Variants in FGFR1 observed in about 807,000 individuals in gnomAD.
FGFR1 encodes the protein fibroblast growth factor receptor 1.
In FGFR1, 18 loss-of-function variants were observed where a neutral mutation model predicts 93.7. The ratio of observed to expected loss-of-function variants is 0.19; its 90% CI spans 0.13 to 0.28. FGFR1 has a LOEUF of 0.28. Among genes scored for constraint, FGFR1 ranks in the 10% least tolerant of loss-of-function variants. The pLI, the probability that FGFR1 is intolerant of heterozygous loss-of-function variation, is 1.00. For synonymous variants in FGFR1, 448 were observed against 429.3 expected, an observed-to-expected ratio of 1.04 and a Z score of -0.54; for missense variants, 731 against 1,080.4, an observed-to-expected ratio of 0.68 and a Z score of 4.53.
Position 38,424,861 on chromosome 8 carries a change from C to G in FGFR1, c.746-162G>C, listed in dbSNP as rs1490551718. On this transcript the variant is annotated intron_variant, in intron 6 of 17. Coordinates refer to ENST00000447712, the MANE Select transcript of FGFR1 (RefSeq NM_023110.3). This position sits in a 1 kb window ranked among gnomAD's most constrained non-coding sequence, Gnocchi z 4.3. ...CTCAAAACAGAGCTGGGGAAAGGGA[C>G]ACCCTCTCTTCAGGCCCTAAGCCAT... 6.6e-6 allele frequency among the ~76,000 whole-genome samples: 1 copy of G among 152,234 alleles called. No homozygotes were observed. The highest frequency in any genetic ancestry group is 1.9e-4 in the East Asian group (1 of 5,202).
intron 2 of FGFR1, among the ~76,000 whole-genome samples, chr8:38,437,359 T>C (rs1054701426): frequency 6.6e-6 from 1 of 152,190 alleles, no homozygotes; most frequent in African/African-American, 2.4e-5. Flanking sequence ...CCAGAAGGCA[T>C]ATGTCTTGCC....
intron 9 of FGFR1, chr8:38,418,606 G>C (rs1269903570): frequency 1.7e-6 from 1 of 579,346 alleles, no homozygotes; most frequent in Non-Finnish European, 3.1e-6. Flanking sequence ...TTTAAAATAA[G>C]CAGACCAAAT....
intron 2 of FGFR1, among the ~76,000 whole-genome samples, chr8:38,444,392 T>G (rs201881102): frequency 2.1e-4 from 20 of 96,232 alleles, no homozygotes; most frequent in Admixed American, 4.1e-4. Flanking sequence ...TTCGGGTTTT[T>G]TTTTTTTTTT....
chr8:38,454,146 T>A (rs551675056), intron 2 of FGFR1, among the ~76,000 whole-genome samples: 1 of 152,172 alleles, frequency 6.6e-6, no homozygotes, highest in East Asian at 1.9e-4. Context: ...CTCATCAAGA[T>A]CTTCAGCCCC....
chr8:38,458,334 A>T (rs1468823506), intron 1 of FGFR1, among the ~76,000 whole-genome samples: 1 of 152,152 alleles, frequency 6.6e-6, no homozygotes, highest in Non-Finnish European at 1.5e-5. Flanking sequence ...TGAGGTCAGG[A>T]GTTCAAGACC....
intron 7 of FGFR1, chr8:38,423,448 A>G (rs1819560182): frequency 2.6e-6 from 1 of 380,848 alleles, no homozygotes; most frequent in Non-Finnish European, 4.8e-6. Context: ...CAGCCTCCTG[A>G]GTAGCTGGGA....
intron 2 of FGFR1, chr8:38,430,238 T>G: frequency 5.4e-6 from 1 of 186,028 alleles, no homozygotes; most frequent in South Asian, 1.1e-4. Flanking sequence ...TTAAGCGCAT[T>G]TCATTTCCCC....
intron 12 of FGFR1, among the ~76,000 whole-genome samples, chr8:38,416,620 T>A (rs1022419233): frequency 6.6e-6 from 1 of 152,004 alleles, no homozygotes; most frequent in Admixed American, 6.6e-5. Flanking sequence ...CACGCCCGGC[T>A]ACTTTTTGTA....
chr8:38,439,491 C>A (rs529333746), intron 2 of FGFR1, among the ~76,000 whole-genome samples: 1 of 152,168 alleles, frequency 6.6e-6, no homozygotes, highest in African/African-American at 2.4e-5. Flanking sequence ...CCGCCCTCCC[C>A]CTTGGGCCAC....
intron 12 of FGFR1, among the ~76,000 whole-genome samples, chr8:38,417,005 C>T (rs1461747991): frequency 3.3e-5 from 5 of 152,224 alleles, no homozygotes; most frequent in Non-Finnish European, 5.9e-5. Context: ...CTTCCTGCCT[C>T]GGCCTCCCAA....
chr8:38,453,343 G>A (rs1320631137), intron 2 of FGFR1, among the ~76,000 whole-genome samples: 1 of 152,256 alleles, frequency 6.6e-6, no homozygotes, highest in African/African-American at 2.4e-5. Flanking sequence ...GCCATTGACT[G>A]CTCATGGCCT....
chr8:38,415,705 C>T (rs1182368855), intron 13 of FGFR1, 165 bp downstream of exon 13: 3 of 747,844 alleles, frequency 4.0e-6, no homozygotes, highest in Admixed American at 2.0e-5. Context: ...ACTGGTGCTC[C>T]TGACTCTGCA....
Position 38,429,617 on chromosome 8 carries a change from A to C in FGFR1, c.358+65T>G. ...GGGGAGGAGGTTCACCTTCCTCTGA[A>C]ACTGGCAGAGAGGGCTGGAGGGGGT... On this transcript the variant is annotated intron_variant, in intron 3 of 17. Transcript: ENST00000447712. The surrounding 1 kb of genome is among the most constrained non-coding windows in gnomAD (Gnocchi z 4.4). 1 of 1,520,604 alleles carries C rather than the reference A, an allele frequency of 6.6e-7. No homozygotes were observed. Among genetic ancestry groups the C allele is most frequent in the Non-Finnish European group, 8.9e-7 (1 of 1,123,332 alleles). The allele number at this position is 1,520,604 out of a possible 1,614,324, so 94.2% of individuals were successfully genotyped here.
intron 15 of FGFR1, 79 bp downstream of exon 15, chr8:38,414,475 CTCAGT>C: frequency 1.3e-6 from 2 of 1,556,328 alleles, no homozygotes; most frequent in South Asian, 2.3e-5. Flanking sequence ...AAGAGGACTC[CTCAGT>C]CCAGGGAGAA....
chr8:38,418,521 T>C (rs761632601), intron 9 of FGFR1, 148 bp from the exon 10 acceptor site: 44 of 1,028,302 alleles, frequency 4.3e-5, no homozygotes, highest in Non-Finnish European at 5.4e-5. Context: ...CCAAAGACCA[T>C]GGTAGGCCAG....
intron 2 of FGFR1, among the ~76,000 whole-genome samples, chr8:38,450,833 A>C (rs916635805): frequency 3.9e-5 from 6 of 152,200 alleles, no homozygotes; most frequent in Admixed American, 2.6e-4. Flanking sequence ...ATGGTGTAGC[A>C]ATGCAGAAGC....
intron 1 of FGFR1, chr8:38,467,544 G>C (rs1835816477): frequency 4.3e-6 from 1 of 234,258 alleles, no homozygotes; most frequent in Non-Finnish European, 8.4e-6. Flanking sequence ...ACATGGAGTG[G>C]AATGCAACAC....
Position 38,413,466 on chromosome 8 carries a change from G to C in FGFR1, c.*162C>G, listed in dbSNP as rs1815059465. On this transcript the variant is annotated 3_prime_UTR_variant, in exon 18 of 18. Coordinates refer to ENST00000447712, the MANE Select transcript of FGFR1 (RefSeq NM_023110.3). The surrounding 1 kb of genome is among the most constrained non-coding windows in gnomAD (Gnocchi z 4.2). The stretch of plus-strand genomic sequence containing the variant: ...GGAGAGGAGGTGGAGGGAGAGGTGA[G>C]CTGAGTGGGGTGAAGGCAGGCCACA... 1 of 683,760 alleles carries C rather than the reference G, an allele frequency of 1.5e-6. No individual in the cohort carries two copies. The highest frequency in any genetic ancestry group is 1.8e-5 in the African/African-American group (1 of 55,354). 42.4% of individuals were successfully genotyped at this position (683,760 alleles called of 1,614,324 possible). A position where few individuals can be genotyped will look rare whatever the true frequency, so the allele number is the denominator to read the frequency against.
Position 38,429,967 on chromosome 8 carries a change from C to A in FGFR1, c.92-19G>T, listed in dbSNP as rs753723806. The A allele has an allele frequency of 1.3e-6, 2 of 1,591,788 alleles. No homozygotes were observed. Among genetic ancestry groups the A allele is most frequent in the South Asian group, 1.1e-5 (1 of 89,224 alleles). ...GGCTGGGCTGCAGCCACCACGGGGC[C>A]GGGAAGGGAAGCCAAGGGGCGAGAG... On this transcript the variant is annotated intron_variant, in intron 2 of 17. Coordinates refer to ENST00000447712, the MANE Select transcript of FGFR1 (RefSeq NM_023110.3). This position sits in a 1 kb window ranked among gnomAD's most constrained non-coding sequence, Gnocchi z 4.4.
Sources: gnomAD v4.1 joint callset for allele counts (sites outside exome capture counted in the v4.1 genomes callset) on GRCh38, gnomAD v4.1.1 for gene constraint, Gnocchi (gnomAD v3.1) non-coding constraint, MANE v1.5 for transcripts, NCBI Gene and HGNC (gene_info 2026-07-23, HGNC 2026-07-21) for gene names.